The following FRMPD4 variants were observed in gnomAD, a reference collection of about 807,000 sequenced individuals.
FRMPD4 encodes FERM and PDZ domain-containing protein 4.
FRMPD4 carries 22 observed loss-of-function variants against 94.1 expected under a neutral mutation model. The observed-to-expected ratio is 0.23, with a 90% confidence interval of 0.17 to 0.33. The LOEUF (loss-of-function observed/expected upper bound fraction) is 0.33, where lower values mean the gene tolerates loss of function less well. FRMPD4 is among the 10% of genes least tolerant of loss of function. The probability of loss-of-function intolerance (pLI) is 1.00; values close to 1 mark genes in which losing one functional copy is unlikely to be tolerated. For missense variants in FRMPD4, 1,111 were observed against 1,339.9 expected, an observed-to-expected ratio of 0.83 and a Z score of 2.67; for synonymous variants, 631 against 548.6, an observed-to-expected ratio of 1.15 and a Z score of -2.10.
At chrX:12,289,411 C>T (rs947838936) in intron 1 of FRMPD4, among the ~76,000 whole-genome samples, 3 of 111,913 alleles carry the variant, frequency 2.7e-5, no homozygotes, top group Admixed American at 9.5e-5. Context: ...ATTAACAACA[C>T]GAAGTGAGAT....
chrX:12,315,832 G>T (rs2055105809), intron 1 of FRMPD4, among the ~76,000 whole-genome samples: 1 of 111,552 alleles, frequency 9.0e-6, no homozygotes, highest in Admixed American at 9.5e-5. Flanking sequence ...TGTCCCTCAG[G>T]GAATATTTGG....
intron 2 of FRMPD4, among the ~76,000 whole-genome samples, chrX:12,505,394 G>C (rs1433285653): frequency 9.0e-6 from 1 of 111,170 alleles, no homozygotes; most frequent in African/African-American, 3.3e-5. Context: ...CACCTTGGAG[G>C]CAGGTGCCTT....
intron 3 of FRMPD4, among the ~76,000 whole-genome samples, chrX:12,021,731 G>A: frequency 9.0e-6 from 1 of 111,444 alleles, no homozygotes; most frequent in East Asian, 2.8e-4. Flanking sequence ...TAGTTCCTGG[G>A]ATATTACTAG....
chrX:12,120,030 T>C (rs1784040745), intron 3 of FRMPD4, among the ~76,000 whole-genome samples: 1 of 112,472 alleles, frequency 8.9e-6, no homozygotes, highest in African/African-American at 3.2e-5. Context: ...GAATGAATTG[T>C]GCTCTCCAAG....
intron 1 of FRMPD4, among the ~76,000 whole-genome samples, chrX:12,478,956 A>G (rs1424771833): frequency 3.6e-5 from 4 of 111,929 alleles, no homozygotes; most frequent in Non-Finnish European, 5.6e-5. Flanking sequence ...TTGAGAATCA[A>G]TTGCCTCATC....
intron 1 of FRMPD4, among the ~76,000 whole-genome samples, chrX:12,362,099 C>G (rs932229365): frequency 9.0e-5 from 10 of 110,570 alleles, no homozygotes; most frequent in Non-Finnish European, 1.3e-4. Flanking sequence ...TTAATCTTCT[C>G]TGGGTCTTTG....
intron 1 of FRMPD4, among the ~76,000 whole-genome samples, chrX:12,397,936 TG>T (rs978037017): frequency 1.8e-5 from 2 of 111,711 alleles, no homozygotes; most frequent in Non-Finnish European, 3.8e-5. Flanking sequence ...AATAAAAAGT[TG>T]TTAAAGATGT....
intron 1 of FRMPD4, among the ~76,000 whole-genome samples, chrX:12,375,880 G>C (rs1383777349): frequency 8.9e-6 from 1 of 112,298 alleles, no homozygotes; most frequent in Non-Finnish European, 1.9e-5. Flanking sequence ...GAAGATGGGA[G>C]GGAGTCAGCT....
chrX:12,215,281 C>T (rs761627255), intron 1 of FRMPD4, among the ~76,000 whole-genome samples: 2 of 110,775 alleles, frequency 1.8e-5, no homozygotes, highest in Admixed American at 9.6e-5. Context: ...AAAGGCAGCC[C>T]CTCCTCCTCT....
chrX:12,152,685 C>T, intron 1 of FRMPD4, among the ~76,000 whole-genome samples: 1 of 110,804 alleles, frequency 9.0e-6, no homozygotes, highest in South Asian at 3.8e-4. Context: ...ATGTATTATA[C>T]AAGTATAATA....
chrX:12,124,752 G>C (rs185241925), intron 3 of FRMPD4, among the ~76,000 whole-genome samples: 14 of 111,079 alleles, frequency 1.3e-4, no homozygotes, highest in African/African-American at 4.6e-4. Context: ...ATGAGGGGAG[G>C]GTGGCAGAGC....
chrX:11,823,034 A>G lies in FRMPD4; in HGVS notation c.-161+319A>G, dbSNP rs148841470. ...TATTGTCACCTTCATCACTCAGGAGACAATTTCCAGGAAACTAATTACTGA... is the reference window on the plus strand; with the variant it reads ...TATTGTCACCTTCATCACTCAGGAGGCAATTTCCAGGAAACTAATTACTGA... On this transcript the variant is annotated intron_variant, in intron 1 of 18. Transcript: ENST00000640291. 9.2e-3 allele frequency among the ~76,000 whole-genome samples: 1,022 copies of G among 111,091 alleles called. 2 individuals are homozygous for G. Among genetic ancestry groups the G allele is most frequent in the Non-Finnish European group, 0.014 (729 of 53,005 alleles).
chrX:12,095,709 AAGT>A (rs2055193992), intron 3 of FRMPD4, among the ~76,000 whole-genome samples: 1 of 112,049 alleles, frequency 8.9e-6, no homozygotes, highest in African/African-American at 3.2e-5. Context: ...AGGAAGTTCT[AAGT>A]AGCCACACAG....
chrX:12,338,272 A>G (rs1396740630), intron 1 of FRMPD4, among the ~76,000 whole-genome samples: 1 of 112,400 alleles, frequency 8.9e-6, no homozygotes, highest in Non-Finnish European at 1.9e-5. Context: ...GCCTAGATGT[A>G]GATCTGTGTC....
chrX:12,471,661 C>T (rs1284652063), intron 1 of FRMPD4, among the ~76,000 whole-genome samples: 1 of 111,885 alleles, frequency 8.9e-6, no homozygotes, highest in Non-Finnish European at 1.9e-5. Flanking sequence ...GGCCAGGGAA[C>T]AAGGAGATTT....
chrX:12,665,678 C>T (rs1429129371), intron 4 of FRMPD4, among the ~76,000 whole-genome samples: 1 of 112,022 alleles, frequency 8.9e-6, no homozygotes, highest in Non-Finnish European at 1.9e-5. Flanking sequence ...CCACACTAAG[C>T]TTCATAAGCG....
At chrX:12,163,957 A>G (rs1173809681) in intron 1 of FRMPD4, among the ~76,000 whole-genome samples, 6 of 112,046 alleles carry the variant, frequency 5.4e-5, no homozygotes, top group African/African-American at 9.7e-5. Context: ...AGTTTTGTGC[A>G]TACACTATTG....
intron 3 of FRMPD4, among the ~76,000 whole-genome samples, chrX:12,015,069 T>C (rs1654908270): frequency 9.0e-6 from 1 of 111,684 alleles, no homozygotes; most frequent in Non-Finnish European, 1.9e-5. Context: ...GGCAACACTA[T>C]GCTTGGATTT....
At chrX:12,007,213 A>G (rs2054558208) in intron 3 of FRMPD4, among the ~76,000 whole-genome samples, 1 of 111,375 alleles carries the variant, frequency 9.0e-6, no homozygotes, top group Non-Finnish European at 1.9e-5. Flanking sequence ...AAAGGACCAC[A>G]TTGAGAGTAA....
Sources: allele counts gnomAD v4.1 joint callset (sites outside exome capture counted in the v4.1 genomes callset), GRCh38; gene constraint gnomAD v4.1.1; transcripts MANE v1.5; gene names NCBI Gene and HGNC (gene_info 2026-07-23, HGNC 2026-07-21).